Variants in STIMATE observed in about 807,000 individuals in gnomAD.
STIMATE encodes store-operated calcium entry regulator STIMATE.
STIMATE carries 15 observed loss-of-function variants against 36.7 expected under a neutral mutation model. The ratio of observed to expected loss-of-function variants is 0.41; its 90% CI spans 0.27 to 0.63. The LOEUF (loss-of-function observed/expected upper bound fraction) is 0.63. Ranked by LOEUF, STIMATE falls within the 20% of genes least tolerant of loss-of-function variation. The probability of loss-of-function intolerance (pLI) is 0.32; values close to 1 mark genes in which losing one functional copy is unlikely to be tolerated. For missense variants in STIMATE, 305 were observed against 397.3 expected, an observed-to-expected ratio of 0.77 and a Z score of 1.98; for synonymous variants, 163 against 162.3, an observed-to-expected ratio of 1.00 and a Z score of -0.03.
chr3:52,864,903 A>G (rs909771211), intron 1 of STIMATE, among the ~76,000 whole-genome samples: 1 of 151,698 alleles, frequency 6.6e-6, no homozygotes, highest in African/African-American at 2.4e-5. Context: ...CCTTGTCTAC[A>G]TCACTATCAG....
intron 4 of STIMATE, chr3:52,847,079 AT>A (rs139980720): frequency 3.1e-3 from 1,010 of 330,536 alleles, no homozygotes; most frequent in Non-Finnish European, 3.9e-3. Flanking sequence ...ATTAAAAAAA[AT>A]TTTTTTTTTT....
intron 1 of STIMATE, among the ~76,000 whole-genome samples, chr3:52,878,584 A>C (rs1289256026): frequency 6.6e-6 from 1 of 152,170 alleles, no homozygotes; most frequent in Non-Finnish European, 1.5e-5. Context: ...TCCTGGCTAC[A>C]CTATCTCTGT....
At chr3:52,873,265 G>A (rs190465519) in intron 1 of STIMATE, among the ~76,000 whole-genome samples, 9 of 152,336 alleles carry the variant, frequency 5.9e-5, no homozygotes, top group Admixed American at 2.6e-4. Flanking sequence ...CATTATCACT[G>A]TATGTGTGTT....
chr3:52,878,406 C>T (rs188495405), intron 1 of STIMATE, among the ~76,000 whole-genome samples: 4 of 151,712 alleles, frequency 2.6e-5, no homozygotes, highest in Non-Finnish European at 5.9e-5. Flanking sequence ...ATGGTCCAGG[C>T]TGTATCACCT....
chr3:52,885,151 G>T (rs1003594139), intron 1 of STIMATE, among the ~76,000 whole-genome samples: 2 of 152,030 alleles, frequency 1.3e-5, no homozygotes, highest in Non-Finnish European at 2.9e-5. Flanking sequence ...ATTTTAATTT[G>T]CATTTTCCTG....
chr3:52,869,284 C>T (rs957681527), intron 1 of STIMATE, among the ~76,000 whole-genome samples: 5 of 152,228 alleles, frequency 3.3e-5, no homozygotes, highest in Non-Finnish European at 5.9e-5. Flanking sequence ...GAACTGAGCA[C>T]GCTGCTCCTG....
chr3:52,873,135 G>A (rs946918283), intron 1 of STIMATE, among the ~76,000 whole-genome samples: 1 of 152,118 alleles, frequency 6.6e-6, no homozygotes, highest in Non-Finnish European at 1.5e-5. Flanking sequence ...ACCCTAAATT[G>A]TCTAGCAAAT....
At chr3:52,894,051 C>T (rs1189191585) in intron 1 of STIMATE, among the ~76,000 whole-genome samples, 3 of 152,202 alleles carry the variant, frequency 2.0e-5, no homozygotes, top group African/African-American at 7.2e-5. Context: ...TTTGTCAAGT[C>T]ACAGACTATA....
chr3:52,884,084 T>C (rs139172131), intron 1 of STIMATE, among the ~76,000 whole-genome samples: 57 of 152,310 alleles, frequency 3.7e-4, no homozygotes, highest in African/African-American at 1.2e-3. Context: ...CTTGATCATT[T>C]CAAGGCTTTT....
rs1029774562 is a variant in STIMATE, at chr3:52,837,624, T to C, written c.*2870A>G. 1 of 152,240 alleles carries C rather than the reference T, an allele frequency of 6.6e-6. No individual in the cohort carries two copies. The highest frequency in any genetic ancestry group is 1.5e-5 in the Non-Finnish European group (1 of 68,050). 9.4% of individuals were successfully genotyped at this position (152,240 alleles called of 1,614,324 possible). A position where few individuals can be genotyped will look rare whatever the true frequency, so the allele number is the denominator to read the frequency against. On this transcript the variant is annotated 3_prime_UTR_variant, in exon 8 of 8. Coordinates refer to ENST00000355083, the MANE Select transcript of STIMATE (RefSeq NM_198563.5). ...TCCATTTGGATATGACAGTTCTACCTCATTAGTTTATTTCCAATAGTTACA... is the reference window on the plus strand; with the variant it reads ...TCCATTTGGATATGACAGTTCTACCCCATTAGTTTATTTCCAATAGTTACA...
intron 1 of STIMATE, among the ~76,000 whole-genome samples, chr3:52,880,022 T>C (rs1351646275): frequency 6.6e-6 from 1 of 152,228 alleles, no homozygotes; most frequent in Non-Finnish European, 1.5e-5. Context: ...CCTAAAATTC[T>C]AGAAAGAACA....
intron 1 of STIMATE, among the ~76,000 whole-genome samples, chr3:52,856,670 C>T (rs1340101470): frequency 2.0e-5 from 3 of 151,846 alleles, no homozygotes; most frequent in Admixed American, 6.6e-5. Context: ...GGCAACAGAG[C>T]GAGACTCTAC....
intron 1 of STIMATE, among the ~76,000 whole-genome samples, chr3:52,893,833 T>C (rs78931636): frequency 0.022 from 3,332 of 152,322 alleles, 54 homozygotes; most frequent in Non-Finnish European, 0.034. Context: ...TGTCTACACT[T>C]CAGCCCAGAA....
At chr3:52,866,278 T>C (rs139740741) in intron 1 of STIMATE, among the ~76,000 whole-genome samples, 2,158 of 152,372 alleles carry the variant, frequency 0.014, 180 homozygotes, top group Admixed American at 0.13. Context: ...TCTGACAATT[T>C]GATCGCTGAA....
chr3:52,839,893 TAAAA>T lies in STIMATE; in HGVS notation c.*597_*600del, dbSNP rs1700767028. On this transcript the variant is annotated 3_prime_UTR_variant, in exon 8 of 8. Coordinates refer to ENST00000355083, the MANE Select transcript of STIMATE (RefSeq NM_198563.5). ...AAAGTCAAACAGCATACGGAAGACTTAAAAATCTCTGTTTTGCCCATTAGTCCCG... is the reference window on the plus strand; with the variant it reads ...AAAGTCAAACAGCATACGGAAGACTTATCTCTGTTTTGCCCATTAGTCCCG... 1 of 152,632 alleles carries T rather than the reference TAAAA, an allele frequency of 6.6e-6. No homozygotes were observed. The highest frequency in any genetic ancestry group is 1.5e-5 in the Non-Finnish European group (1 of 68,032). The allele number at this position is 152,632 out of a possible 1,614,324, so 9.5% of individuals were successfully genotyped here.
chr3:52,849,365 A>G (rs914748914), intron 4 of STIMATE, among the ~76,000 whole-genome samples: 3 of 152,244 alleles, frequency 2.0e-5, no homozygotes, highest in Non-Finnish European at 2.9e-5. Flanking sequence ...AAAGAGGGGC[A>G]GGGCTTGCCA....
intron 1 of STIMATE, among the ~76,000 whole-genome samples, chr3:52,889,879 T>A (rs1701754011): frequency 6.6e-6 from 1 of 152,084 alleles, no homozygotes; most frequent in Non-Finnish European, 1.5e-5. Flanking sequence ...ATTTAACGCA[T>A]CCTCTTTAAA....
At chr3:52,855,276 T>C in intron 2 of STIMATE, 120 bp downstream of exon 2, 1 of 1,234,716 alleles carries the variant, frequency 8.1e-7, no homozygotes, top group Non-Finnish European at 1.1e-6. Context: ...ATACATTATA[T>C]TATGTATCAT....
chr3:52,865,666 C>G (rs930098658), intron 1 of STIMATE, among the ~76,000 whole-genome samples: 2 of 152,326 alleles, frequency 1.3e-5, no homozygotes, highest in Non-Finnish European at 2.9e-5. Flanking sequence ...CAGGTCCCCC[C>G]ACCCCAACGT....
Sources: gnomAD v4.1 joint callset for allele counts (sites outside exome capture counted in the v4.1 genomes callset) on GRCh38, gnomAD v4.1.1 for gene constraint, MANE v1.5 for transcripts, NCBI Gene and HGNC (gene_info 2026-07-23, HGNC 2026-07-21) for gene names.